KCNK4: variants seen among roughly 807,000 people sequenced by gnomAD.
The protein encoded by KCNK4 is potassium two pore domain channel subfamily K member 4.
KCNK4 carries 22 observed loss-of-function variants against 28.8 expected under a neutral mutation model. The observed-to-expected ratio is 0.76, with a 90% CI of 0.55 to 1.09. KCNK4 has a LOEUF of 1.09. Ranked by LOEUF, KCNK4 falls within the 50% of genes least tolerant of loss-of-function variation. The pLI is 0.00. For synonymous variants in KCNK4, 263 were observed against 252.9 expected, an observed-to-expected ratio of 1.04 and a Z score of -0.38; for missense variants, 483 against 546.3, an observed-to-expected ratio of 0.88 and a Z score of 1.15.
In KCNK4 at chr11:64,297,653, G is replaced by A. The variant is rs779013806; in HGVS notation, c.661G>A (p.Gly221Ser). The change falls in exon 5 of 7, where the codon GGC becomes AGC. Residue 221 changes from glycine (G) to serine (S), a missense_variant and splice_region_variant. Gly to Ser is a moderately conservative substitution (Grantham distance 56). Coordinates refer to ENST00000422670, the MANE Select transcript of KCNK4 (RefSeq NM_033310.3). The part of the protein sequence containing the change: ...TTVGFGDYVA[G>S]ADPRQDSPAY... The stretch of plus-strand genomic sequence containing the variant: ...CGTGGGCTTTGGCGACTATGTGGCC[G>A]GTGAGGCCGCCCTTCTTGTGCTGCA... 12 of 1,607,652 alleles carry A rather than the reference G, an allele frequency of 7.5e-6. No individual in the cohort carries two copies. Among genetic ancestry groups the A allele is most frequent in the East Asian group, 4.5e-5 (2 of 44,724 alleles).
intron 2 of KCNK4, 117 bp from the exon 3 acceptor site, chr11:64,296,761 G>C: frequency 9.0e-7 from 1 of 1,114,614 alleles, no homozygotes; most frequent in African/African-American, 1.6e-5. Context: ...GAGACCAAAG[G>C]GAAGGGGAGA....
At chr11:64,294,734 A>G (rs2034723836) in intron 2 of KCNK4, among the ~76,000 whole-genome samples, 1 of 152,084 alleles carries the variant, frequency 6.6e-6, no homozygotes, top group South Asian at 2.1e-4. Flanking sequence ...CGGAGGCCTC[A>G]GTGTTCCAGC....
rs761711965 is a variant in KCNK4 at position 64,297,578 on chromosome 11, G to A, written c.586G>A (p.Asp196Asn). ...CACGTTCGTGTTCTGCTATATGGAG[G>A]ACTGGAGCAAGCTGGAGGCCATCTA... is the stretch of plus-strand genomic sequence containing the variant. Reference protein sequence around the residue: ...TPTFVFCYMEDWSKLEAIYFV... With the variant: ...TPTFVFCYMENWSKLEAIYFV... Residue 196 changes from aspartate (D) to asparagine (N), a missense_variant, in exon 5 of 7, where the codon GAC (aspartate) becomes AAC (asparagine). Physicochemically the swap from Asp to Asn is conservative, Grantham distance 23 (BLOSUM62 1). Transcript: ENST00000422670. 9 of 1,614,030 alleles carry A rather than the reference G, an allele frequency of 5.6e-6. No individual in the cohort carries two copies. Among genetic ancestry groups the A allele is most frequent in the East Asian group, 4.5e-5 (2 of 44,892 alleles).
intron 6 of KCNK4, among the ~76,000 whole-genome samples, chr11:64,299,050 G>GAAAAAAAAAAAAAAAAAAAAAAAAA (rs56097945): frequency 3.5e-5 from 3 of 85,076 alleles, no homozygotes; most frequent in East Asian, 3.9e-4. Context: ...AAAAAAAGAA[G>GAAAAAAAAAAAAAAAAAAAAAAAAA]AAAAAAAAAA....
In KCNK4 at chr11:64,299,356, T is replaced by C. The variant is rs2135236136; in HGVS notation, c.812T>C (p.Leu271Pro). Reference protein sequence around the residue: ...SRRTRAEMGGLTAQAASWTGT... With the variant: ...SRRTRAEMGGPTAQAASWTGT... ...TCCCTCTCCGTGCAGATGGGCGGCC[T>C]CACGGCTCAGGCTGCCAGCTGGACT... is the stretch of plus-strand genomic sequence containing the variant. Residue 271 changes from leucine (L) to proline (P), a missense_variant, in exon 7 of 7, where the codon CTC becomes CCC. Physicochemically the swap from Leu to Pro is moderately conservative, Grantham distance 98. Coordinates refer to ENST00000422670, the MANE Select transcript of KCNK4 (RefSeq NM_033310.3). The C allele has an allele frequency of 6.4e-7, 1 of 1,559,296 alleles. No individual in the cohort carries two copies.
chr11:64,291,982 G>A (rs1315998096), intron 1 of KCNK4: 3 of 1,122,670 alleles, frequency 2.7e-6, no homozygotes, highest in Non-Finnish European at 3.4e-6. Context: ...AGCTGCGGGC[G>A]CTGCGCGGTG....
chr11:64,291,946 C>A, intron 1 of KCNK4: 1 of 881,338 alleles, frequency 1.1e-6, no homozygotes, highest in Non-Finnish European at 1.5e-6. Flanking sequence ...CGTCGCTGTG[C>A]GGACGCGGGG....
In KCNK4 at chr11:64,293,898, G is replaced by C. The variant is rs904298663; in HGVS notation, c.189+691G>C. ...TTGCAGACATGAGCCACCACACCTG[G>C]CCCACAAATGCCTTTTTAATACAAG... On this transcript the variant is annotated intron_variant, in intron 2 of 6. Coordinates refer to ENST00000422670, the MANE Select transcript of KCNK4 (RefSeq NM_033310.3). Among the ~76,000 whole-genome samples the C allele has an allele frequency of 2.0e-5, 3 of 152,074 alleles. No homozygotes were observed. The South Asian group carries it at 6.2e-4, about 31-fold the overall frequency.
Position 64,299,476 on chromosome 11 carries a change from C to T in KCNK4, c.932C>T (p.Ala311Val). 2 of 1,606,590 alleles carry T rather than the reference C, an allele frequency of 1.2e-6. No homozygotes were observed. The highest frequency in any genetic ancestry group is 1.7e-6 in the Non-Finnish European group (2 of 1,177,924). Reference protein sequence around the residue: ...QPLLPPPPCPAQPLGRPRSPS... With the variant: ...QPLLPPPPCPVQPLGRPRSPS... ...CTGCTGCCTCCACCGCCCTGTCCAGCGCAGCCGCTGGGCAGGCCCCGATCC... is the reference window on the plus strand; with the variant it reads ...CTGCTGCCTCCACCGCCCTGTCCAGTGCAGCCGCTGGGCAGGCCCCGATCC... The change falls in exon 7 of 7, where the codon GCG becomes GTG. Residue 311 changes from alanine (A) to valine (V), a missense_variant. Coordinates refer to ENST00000422670, the MANE Select transcript of KCNK4 (RefSeq NM_033310.3).
chr11:64,294,187 C>T (rs1202537924), intron 2 of KCNK4, among the ~76,000 whole-genome samples: 1 of 152,038 alleles, frequency 6.6e-6, no homozygotes, highest in Admixed American at 6.6e-5. Context: ...CGTCAGGGTT[C>T]CCTGAGGCAC....
At chr11:64,293,252 C>T in intron 2 of KCNK4, 45 bp downstream of exon 2, 1 of 1,399,702 alleles carries the variant, frequency 7.1e-7, no homozygotes, top group Non-Finnish European at 9.3e-7. Context: ...CCCATCACCC[C>T]TGGCGCTAGC....
chr11:64,298,088 A>T, intron 5 of KCNK4, 22 bp from the exon 6 acceptor site: 1 of 1,610,490 alleles, frequency 6.2e-7, no homozygotes, highest in Non-Finnish European at 8.5e-7. Flanking sequence ...AATTCTTTCT[A>T]CCTTCCCTGG....
chr11:64,294,176 G>A (rs2034710067), intron 2 of KCNK4, among the ~76,000 whole-genome samples: 1 of 152,096 alleles, frequency 6.6e-6, no homozygotes, highest in Non-Finnish European at 1.5e-5. Context: ...AAGGGGGGGT[G>A]CGTCAGGGTT....
Position 64,299,510 on chromosome 11 carries a change from C to T in KCNK4, c.966C>T (p.Pro322=). 6.2e-7 allele frequency: 1 copy of T among 1,609,334 alleles called. No homozygotes were observed. Among genetic ancestry groups the T allele is most frequent in the Non-Finnish European group, 8.5e-7 (1 of 1,178,716 alleles). Residue 322 remains proline, a synonymous_variant, in exon 7 of 7, where the codon CCC becomes CCT. Transcript: ENST00000422670. Reference sequence around the variant, plus strand: ...TGGGCAGGCCCCGATCCCCTTCGCCCCCCGAGAAGGCTCAGCCGCCTTCCC... The same window carrying T: ...TGGGCAGGCCCCGATCCCCTTCGCCTCCCGAGAAGGCTCAGCCGCCTTCCC... ...QPLGRPRSPS[P]PEKAQPPSPP... is the part of the protein sequence containing the mutation.
rs375700427 is a variant in KCNK4, at chr11:64,298,168, G to T, written c.720G>T (p.Leu240=). 4 of 1,613,752 alleles carry T rather than the reference G, an allele frequency of 2.5e-6. No individual in the cohort carries two copies. The East Asian group carries it at 6.7e-5, about 27-fold the overall frequency. Residue 240 remains leucine, a synonymous_variant, in exon 6 of 7, where the codon CTG becomes CTT. Coordinates refer to ENST00000422670, the MANE Select transcript of KCNK4 (RefSeq NM_033310.3). The part of the protein sequence containing the change: ...AYQPLVWFWI[L]LGLAYFASVL... The stretch of plus-strand genomic sequence containing the variant: ...AGCCGCTGGTGTGGTTCTGGATCCT[G>T]CTCGGCCTGGCTTACTTCGCCTCAG...
In KCNK4 at chr11:64,293,045, GCTGGCGCTGGTCTT is replaced by G; in HGVS notation, c.28_41del (p.Leu10AlafsTer53). 1 of 1,547,944 alleles carries G rather than the reference GCTGGCGCTGGTCTT, an allele frequency of 6.5e-7. No homozygotes were observed. Reference sequence around the variant, plus strand: ...TGCGCAGCACCACGCTCCTGGCCCTGCTGGCGCTGGTCTTGCTTTACTTGGTGTCTGGTGCCCTG... The same window carrying G: ...TGCGCAGCACCACGCTCCTGGCCCTGGCTTTACTTGGTGTCTGGTGCCCTG... On this transcript the variant is annotated frameshift_variant, in exon 2 of 7. Coordinates refer to ENST00000422670, the MANE Select transcript of KCNK4 (RefSeq NM_033310.3). LOFTEE classifies it high-confidence loss of function.
chr11:64,299,483 G>T lies in KCNK4; in HGVS notation c.939G>T (p.Pro313=), dbSNP rs1352497681. 1.2e-6 allele frequency: 2 copies of T among 1,606,888 alleles called. No individual in the cohort carries two copies. The highest frequency in any genetic ancestry group is 1.7e-6 in the Non-Finnish European group (2 of 1,177,958). The change falls in exon 7 of 7, where the codon CCG becomes CCT. Residue 313 remains proline, a synonymous_variant. Coordinates refer to ENST00000422670, the MANE Select transcript of KCNK4 (RefSeq NM_033310.3). ...LLPPPPCPAQ[P]LGRPRSPSPP... ...CTCCACCGCCCTGTCCAGCGCAGCC[G>T]CTGGGCAGGCCCCGATCCCCTTCGC...
chr11:64,297,980 C>T (rs2034818092), intron 5 of KCNK4, 130 bp from the exon 6 acceptor site: 2 of 1,099,406 alleles, frequency 1.8e-6, no homozygotes, highest in South Asian at 3.2e-5. Context: ...TGCACTCACA[C>T]ACTCAAGCAC....
At chr11:64,293,826 C>A (rs1441910518) in intron 2 of KCNK4, among the ~76,000 whole-genome samples, 1 of 152,160 alleles carries the variant, frequency 6.6e-6, no homozygotes, top group Non-Finnish European at 1.5e-5. Context: ...GTCTCAAACT[C>A]CTGACCTCAA....
Sources: allele counts gnomAD v4.1 joint callset (sites outside exome capture counted in the v4.1 genomes callset), GRCh38; gene constraint gnomAD v4.1.1; transcripts MANE v1.5; gene names NCBI Gene and HGNC (gene_info 2026-07-23, HGNC 2026-07-21).